Variants in AATK observed in about 807,000 individuals in gnomAD.
AATK encodes lemur tail kinase 1, also known as serine/threonine-protein kinase LMTK1.
In AATK, 91 loss-of-function variants were observed where a neutral mutation model predicts 114.3. That is an observed-to-expected ratio of 0.80 (90% CI 0.67 to 0.95). The LOEUF is 0.95. AATK is among the 40% of genes least tolerant of loss of function. The pLI, the probability that AATK is intolerant of heterozygous loss-of-function variation, is 0.00. For synonymous variants in AATK, 1,075 were observed against 916.5 expected (o/e 1.17, Z -3.12); for missense variants, 2,176 against 1,965.2 (o/e 1.11, Z -2.03).
intron 9 of AATK, 42 bp downstream of exon 9, chr17:81,124,685 C>T: frequency 1.3e-6 from 2 of 1,599,868 alleles, no homozygotes; most frequent in South Asian, 1.1e-5. Context: ...GCAGGTGGCA[C>T]TCGGCCTCGG....
intron 13 of AATK, among the ~76,000 whole-genome samples, 165 bp downstream of exon 13, chr17:81,119,215 G>A (rs1395149117): frequency 3.4e-5 from 5 of 146,704 alleles, no homozygotes; most frequent in African/African-American, 9.8e-5. Flanking sequence ...GCCAGGCGGG[G>A]TCCAGGCTAG....
chr17:81,120,045 G>A lies in AATK; in HGVS notation c.3774C>T (p.Gly1258=). ...GGAACGTAGGGGGCGATTCCTTGGC[G>A]CCCGGGAAGGGCTCCCCGAGCTCCC... is the stretch of plus-strand genomic sequence containing the variant. ...PTRELGEPFP[G]AKESPPTFLR... is the part of the protein sequence containing the mutation. The change falls in exon 12 of 14, where the codon GGC becomes GGT. Residue 1258 remains glycine, a synonymous_variant. Coordinates refer to ENST00000326724, the MANE Select transcript of AATK (RefSeq NM_001080395.3). 1 of 1,455,592 alleles carries A rather than the reference G, an allele frequency of 6.9e-7. No individual in the cohort carries two copies. Among genetic ancestry groups the A allele is most frequent in the Non-Finnish European group, 9.1e-7 (1 of 1,101,372 alleles). 90.2% of individuals were successfully genotyped at this position (1,455,592 alleles called of 1,614,324 possible).
chr17:81,154,020 G>A (rs9944397), intron 1 of AATK, among the ~76,000 whole-genome samples: 2,014 of 152,166 alleles, frequency 0.013, 53 homozygotes, highest in African/African-American at 0.046. Context: ...GCAGTGAGCC[G>A]AGCTGAGATC....
chr17:81,122,662 C>T lies in AATK; in HGVS notation c.1274G>A (p.Gly425Glu). Reference protein sequence around the residue: ...RSLRPGGGGVGPGPGAAGPML... With the variant: ...RSLRPGGGGVEPGPGAAGPML... ...GGGCCCCGCCGCACCGGGCCCGGGC[C>T]CCACGCCGCCCCCGCCGGGCCGCAG... is the stretch of plus-strand genomic sequence containing the variant. The change falls in exon 11 of 14, where the codon GGG becomes GAG. Residue 425 changes from glycine (G) to glutamate (E), a missense_variant. Physicochemically the swap from Gly to Glu is moderately conservative, Grantham distance 98 (BLOSUM62 -2). Coordinates refer to ENST00000326724, the MANE Select transcript of AATK (RefSeq NM_001080395.3). The T allele has an allele frequency of 6.7e-7, 1 of 1,501,172 alleles. No individual in the cohort carries two copies. 93.0% of individuals were successfully genotyped at this position (1,501,172 alleles called of 1,614,324 possible).
intron 9 of AATK, among the ~76,000 whole-genome samples, chr17:81,124,203 G>A (rs1365716692): frequency 3.3e-5 from 5 of 152,142 alleles, no homozygotes; most frequent in African/African-American, 9.7e-5. Flanking sequence ...GGTGAGGCAG[G>A]GAGGGGCGCC....
chr17:81,134,904 G>A (rs138955069), intron 1 of AATK, among the ~76,000 whole-genome samples: 2,087 of 152,326 alleles, frequency 0.014, 21 homozygotes, highest in Non-Finnish European at 0.018. Context: ...TCAAACACGG[G>A]AGACCATGTT....
At position 81,140,899 on chromosome 17, in the gene AATK, AGCCGTGGG is replaced by A. The variant is rs1243744410; in HGVS notation, c.56-6406_56-6399del. Among the ~76,000 whole-genome samples the A allele has an allele frequency of 6.8e-4, 28 of 41,370 alleles. 1 individual carries two copies. Among genetic ancestry groups the A allele is most frequent in the South Asian group, 6.1e-3 (6 of 990 alleles). The allele number at this position is 41,370 out of a possible 152,430, so 27.1% of individuals were successfully genotyped here. A position where few individuals can be genotyped will look rare whatever the true frequency, so the allele number is the denominator to read the frequency against. On this transcript the variant is annotated intron_variant, in intron 1 of 13. Transcript: ENST00000326724. ...GGGGCCGTGGGGACCGTGAGCTGTG[AGCCGTGGG>A]GCCGTGGGGCCGTGGGACCGTGGGA...
Position 81,126,826 on chromosome 17 carries a change from G to C in AATK, c.622-266C>G. On this transcript the variant is annotated intron_variant, in intron 6 of 13. Coordinates refer to ENST00000326724, the MANE Select transcript of AATK (RefSeq NM_001080395.3). The surrounding 1 kb of genome is among the most constrained non-coding windows in gnomAD (Gnocchi z 5.1). ...AGCAGGAGTCCCTTGGCCTGTGGTAGAGAGAGAAACACAGGGCCCAAGTGG... is the reference window on the plus strand; with the variant it reads ...AGCAGGAGTCCCTTGGCCTGTGGTACAGAGAGAAACACAGGGCCCAAGTGG... The C allele has an allele frequency of 7.6e-7, 1 of 1,312,912 alleles. No individual in the cohort carries two copies. The highest frequency in any genetic ancestry group is 2.9e-4 in the Middle Eastern group (1 of 3,482). 81.3% of individuals were successfully genotyped at this position (1,312,912 alleles called of 1,614,324 possible).
At chr17:81,119,163 CAGGTGAGGGTCAGGTGAGGGT>C (rs1430247371) in intron 13 of AATK, among the ~76,000 whole-genome samples, 196 bp downstream of exon 13, 80 of 56,192 alleles carry the variant, frequency 1.4e-3, no homozygotes, top group Admixed American at 8.0e-3. Flanking sequence ...AGGTGAGGGT[CAGGTGAGGGTCAGGTGAGGGT>C]CAGGTGAGGG....
At chr17:81,163,989 C>T (rs1268250430) in intron 1 of AATK, among the ~76,000 whole-genome samples, 1 of 152,250 alleles carries the variant, frequency 6.6e-6, no homozygotes, top group Non-Finnish European at 1.5e-5. Context: ...CAGACACAAG[C>T]AGCCTCAGAA....
At chr17:81,165,363 C>T (rs1255848158) in intron 1 of AATK, 2 of 263,344 alleles carry the variant, frequency 7.6e-6, no homozygotes, top group Non-Finnish European at 1.5e-5. Context: ...GACAGCGTCA[C>T]CTCGGGCCCC....
rs757323806 is a variant in AATK at position 81,120,341 on chromosome 17, C to T, written c.3595G>A (p.Ala1199Thr). The change falls in exon 11 of 14, where the codon GCT becomes ACT. Residue 1199 changes from alanine (A) to threonine (T), a missense_variant. This residue lies in a region of AATK where 1,701 missense variants were observed against 1,394.7 expected (regional missense o/e 1.22). Transcript: ENST00000326724. ...AGGTTGCGCGCGCTCTGGCTCTCAG[C>T]CACCACCACGGGCACCGCCGGCGCC... ...EEAPAVPVVV[A>T]ESQSARNLRS... 6.2e-7 allele frequency: 1 copy of T among 1,610,412 alleles called. No homozygotes were observed. The highest frequency in any genetic ancestry group is 8.5e-7 in the Non-Finnish European group (1 of 1,179,282).
At chr17:81,133,642 G>A (rs555106142) in intron 2 of AATK, among the ~76,000 whole-genome samples, 4 of 152,324 alleles carry the variant, frequency 2.6e-5, no homozygotes, top group East Asian at 1.9e-4. Flanking sequence ...AGGGGGAGGC[G>A]ATGCTGGCCG....
intron 1 of AATK, among the ~76,000 whole-genome samples, chr17:81,158,284 G>A (rs1053027919): frequency 3.9e-5 from 6 of 152,226 alleles, no homozygotes; most frequent in African/African-American, 1.2e-4. Context: ...CGTCCTCCCC[G>A]TCATTCATCC....
chr17:81,127,779 G>T lies in AATK; in HGVS notation c.533+13C>A. On this transcript the variant is annotated intron_variant, in intron 5 of 13. Transcript: ENST00000326724. ...CCGCACAGCACAGGCCTTTGTGCCC[G>T]GTGGCCTCCCACCTGTAGGGCTGCA... The T allele has an allele frequency of 6.7e-7, 1 of 1,502,434 alleles. No individual in the cohort carries two copies. Among genetic ancestry groups the T allele is most frequent in the South Asian group, 1.2e-5 (1 of 83,052 alleles). 93.1% of individuals were successfully genotyped at this position (1,502,434 alleles called of 1,614,324 possible).
At chr17:81,128,877 G>A in intron 3 of AATK, 1 of 1,168,868 alleles carries the variant, frequency 8.6e-7, no homozygotes, top group Admixed American at 3.7e-5. Flanking sequence ...GCACCAGGCA[G>A]GCAGTGTGGC....
In AATK at chr17:81,127,129, AG is replaced by A. The variant is rs528048908; in HGVS notation, c.621+453del. ...GCGTTGATGGGCAGGTCTCAGGGGGAGGGGGGGACAGGTCCCCGGGGCGGGG... is the reference window on the plus strand; with the variant it reads ...GCGTTGATGGGCAGGTCTCAGGGGGAGGGGGGACAGGTCCCCGGGGCGGGG... On this transcript the variant is annotated intron_variant, in intron 6 of 13. Coordinates refer to ENST00000326724, the MANE Select transcript of AATK (RefSeq NM_001080395.3). Among the ~76,000 whole-genome samples, 15 of 17,846 alleles carry A rather than the reference AG, an allele frequency of 8.4e-4. No individual in the cohort carries two copies. The South Asian group carries it at 0.026, about 31-fold the overall frequency. The allele number at this position is 17,846 out of a possible 152,430, so 11.7% of individuals were successfully genotyped here. A position where few individuals can be genotyped will look rare whatever the true frequency, so the allele number is the denominator to read the frequency against.
chr17:81,151,439 G>A (rs112133112), intron 1 of AATK, among the ~76,000 whole-genome samples: 8 of 152,108 alleles, frequency 5.3e-5, no homozygotes, highest in African/African-American at 1.9e-4. Context: ...GGGGACGCGT[G>A]CACACACTTG....
intron 13 of AATK, 59 bp from the exon 14 acceptor site, chr17:81,118,501 C>G (rs772922614): frequency 2.6e-6 from 4 of 1,561,598 alleles, no homozygotes; most frequent in African/African-American, 1.4e-5. Context: ...CTGCCTCCCC[C>G]GCAACTCCCA....
Sources: gnomAD v4.1 joint callset for allele counts (sites outside exome capture counted in the v4.1 genomes callset) on GRCh38, gnomAD v4.1.1 for gene constraint, gnomAD v4.1.1 regional missense constraint, Gnocchi (gnomAD v3.1) non-coding constraint, MANE v1.5 for transcripts, NCBI Gene and HGNC (gene_info 2026-07-23, HGNC 2026-07-21) for gene names.